The following LPL variants were observed in gnomAD, a reference collection of about 807,000 sequenced individuals.
LPL encodes lipoprotein lipase, also known as phospholipase A1.
In LPL, 43 loss-of-function variants were observed where a neutral mutation model predicts 52.2. The observed-to-expected ratio is 0.82, with a 90% confidence interval of 0.64 to 1.06. The LOEUF (loss-of-function observed/expected upper bound fraction) is 1.06. LPL is among the 50% of genes least tolerant of loss of function. The pLI, the probability that LPL is intolerant of heterozygous loss-of-function variation, is 0.00. For missense variants in LPL, 639 were observed against 585.3 expected (o/e 1.09, Z -0.95); for synonymous variants, 244 against 215.6 (o/e 1.13, Z -1.15).
At chr8:19,940,034 C>A (rs945037827) in intron 1 of LPL, among the ~76,000 whole-genome samples, 4 of 152,158 alleles carry the variant, frequency 2.6e-5, no homozygotes, top group African/African-American at 9.7e-5. Flanking sequence ...AGCCGGGGCG[C>A]GGGGAGGCGT....
intron 7 of LPL, among the ~76,000 whole-genome samples, 192 bp downstream of exon 7, chr8:19,959,572 CACTT>C (rs1172799347): frequency 6.6e-6 from 1 of 152,028 alleles, no homozygotes; most frequent in Admixed American, 6.6e-5. Context: ...ATTTTATTTT[CACTT>C]ACTAGTTATA....
In LPL at chr8:19,944,304, A is replaced by G. The variant is rs2069865359; in HGVS notation, c.89-3876A>G. Among the ~76,000 whole-genome samples the G allele has an allele frequency of 6.6e-6, 1 of 152,202 alleles. No individual in the cohort carries two copies. Among genetic ancestry groups the G allele is most frequent in the South Asian group, 2.1e-4 (1 of 4,834 alleles). On this transcript the variant is annotated intron_variant, in intron 1 of 9. Coordinates refer to ENST00000650287, the MANE Select transcript of LPL (RefSeq NM_000237.3). The surrounding 1 kb of genome is among the most constrained non-coding windows in gnomAD (Gnocchi z 4.2). Reference sequence around the variant, plus strand: ...TCAATTCAGTCTGATCATGATATTGATGTTTTTCTTCACCAAATCGACCAC... The same window carrying G: ...TCAATTCAGTCTGATCATGATATTGGTGTTTTTCTTCACCAAATCGACCAC...
At chr8:19,961,440 A>T (rs1193574422) in intron 8 of LPL, among the ~76,000 whole-genome samples, 2 of 152,090 alleles carry the variant, frequency 1.3e-5, no homozygotes, top group Non-Finnish European at 2.9e-5. Flanking sequence ...TACCTGGATA[A>T]TCAAAGATTC....
chr8:19,962,417 CTTTCTCCTCTTG>C (rs2070048237), intron 9 of LPL, among the ~76,000 whole-genome samples, 198 bp downstream of exon 9: 3 of 151,858 alleles, frequency 2.0e-5, no homozygotes. Context: ...CTCTTTTTTT[CTTTCTCCTCTTG>C]TTTCTCCCAG....
rs750737028 is a variant in LPL, at chr8:19,962,121, C to A, written c.1329C>A (p.Ile443=). The change falls in exon 9 of 10, where the codon ATC becomes ATA. Residue 443 remains isoleucine, a synonymous_variant. Transcript: ENST00000650287. ...CATCCATTTTCTTCCACAGGGTGATCTTCTGTTCTAGGGAGAAAGTGTCTC... is the reference window on the plus strand; with the variant it reads ...CATCCATTTTCTTCCACAGGGTGATATTCTGTTCTAGGGAGAAAGTGTCTC... ...VKAGETQKKV[I]FCSREKVSHL... is the part of the protein sequence containing the mutation. 3.7e-6 allele frequency: 6 copies of A among 1,611,114 alleles called. No homozygotes were observed. The highest frequency in any genetic ancestry group is 2.7e-5 in the African/African-American group (2 of 74,874).
chr8:19,939,462 G>C lies in LPL; in HGVS notation c.22G>C (p.Val8Leu). 2.5e-6 allele frequency: 4 copies of C among 1,610,756 alleles called. No homozygotes were observed. The highest frequency in any genetic ancestry group is 3.4e-6 in the Non-Finnish European group (4 of 1,179,018). ...CGAGATGGAGAGCAAAGCCCTGCTC[G>C]TGCTGACTCTGGCCGTGTGGCTCCA... MESKALL[V>L]LTLAVWLQSL... The change falls in exon 1 of 10, where the codon GTG becomes CTG. Residue 8 changes from valine (V) to leucine (L), a missense_variant. By Grantham distance (32) the Val-to-Leu change is conservative. Transcript: ENST00000650287. The surrounding 1 kb of genome is among the most constrained non-coding windows in gnomAD (Gnocchi z 4.0).
At chr8:19,962,325 CAT>C (rs1223227269) in intron 9 of LPL, 106 bp downstream of exon 9, 1 of 822,298 alleles carries the variant, frequency 1.2e-6, no homozygotes, top group Non-Finnish European at 2.1e-6. Context: ...TGCCCTGACT[CAT>C]GTGATCAAAG....
chr8:19,940,813 G>A (rs2069831453), intron 1 of LPL, among the ~76,000 whole-genome samples: 2 of 152,222 alleles, frequency 1.3e-5, no homozygotes, highest in African/African-American at 4.8e-5. Flanking sequence ...AAAGTTGGCA[G>A]GGAGCAGTGG....
intron 2 of LPL, 193 bp downstream of exon 2, chr8:19,948,533 C>T: frequency 3.2e-6 from 2 of 624,928 alleles, no homozygotes; most frequent in East Asian, 2.8e-5. Context: ...CTAGGCAGTG[C>T]CAGCCTTCAT....
chr8:19,951,590 T>G (rs2069934565), intron 2 of LPL, 179 bp from the exon 3 acceptor site: 1 of 744,486 alleles, frequency 1.3e-6, no homozygotes, highest in Non-Finnish European at 2.4e-6. Context: ...CTTACTTAGA[T>G]CTGCCTTGGA....
chr8:19,953,488 G>T (rs1241146730), intron 4 of LPL, 67 bp downstream of exon 4: 15 of 1,264,822 alleles, frequency 1.2e-5, no homozygotes, highest in Non-Finnish European at 1.6e-5. Context: ...GAGAGAATCA[G>T]AACAAATTTT....
At chr8:19,940,654 T>G (rs778750772) in intron 1 of LPL, among the ~76,000 whole-genome samples, 1 of 152,230 alleles carries the variant, frequency 6.6e-6, no homozygotes, top group Non-Finnish European at 1.5e-5. Flanking sequence ...GAATTGCAAT[T>G]AGGGCGGTGT....
Position 19,939,367 on chromosome 8 carries a change from T to C in LPL, c.-74T>C, listed in dbSNP as rs1432185109. 6.1e-6 allele frequency: 9 copies of C among 1,465,254 alleles called. No homozygotes were observed. The highest frequency in any genetic ancestry group is 2.4e-5 in the East Asian group (1 of 40,888). 90.8% of individuals were successfully genotyped at this position (1,465,254 alleles called of 1,614,324 possible). ...CAGCGCCAAACCGCGGCTCCAGCCC[T>C]CTCCAGCCTCCGGCTCAGCCGGCTC... On this transcript the variant is annotated 5_prime_UTR_variant, in exon 1 of 10. Transcript: ENST00000650287. This position sits in a 1 kb window ranked among gnomAD's most constrained non-coding sequence, Gnocchi z 4.0.
intron 9 of LPL, among the ~76,000 whole-genome samples, 190 bp downstream of exon 9, chr8:19,962,409 CT>C (rs1397260171): frequency 9.2e-5 from 14 of 152,308 alleles, no homozygotes; most frequent in Non-Finnish European, 1.9e-4. Flanking sequence ...AATACTTCCT[CT>C]TTTTTTCTTT....
At chr8:19,957,071 T>A (rs1316000237) in intron 6 of LPL, among the ~76,000 whole-genome samples, 1 of 152,112 alleles carries the variant, frequency 6.6e-6, no homozygotes, top group Non-Finnish European at 1.5e-5. Context: ...TGATCTGCCC[T>A]CCTTGGCCTC....
chr8:19,940,664 T>A (rs1231274392), intron 1 of LPL, among the ~76,000 whole-genome samples: 1 of 152,250 alleles, frequency 6.6e-6, no homozygotes. Flanking sequence ...TAGGGCGGTG[T>A]CGCTTGGATG....
intron 7 of LPL, among the ~76,000 whole-genome samples, chr8:19,959,694 G>A (rs1237843045): frequency 1.3e-5 from 2 of 149,342 alleles, no homozygotes; most frequent in Non-Finnish European, 3.0e-5. Flanking sequence ...ATGAGCAATG[G>A]TAACAGGAAA....
chr8:19,965,766 G>C lies in LPL; in HGVS notation c.*456G>C. On this transcript the variant is annotated 3_prime_UTR_variant, in exon 10 of 10. Coordinates refer to ENST00000650287, the MANE Select transcript of LPL (RefSeq NM_000237.3). ...TACAGAAAATGCTTTTCCGCGGCACGAATCAGACTCATCTACACAGCAGTA... is the reference window on the plus strand; with the variant it reads ...TACAGAAAATGCTTTTCCGCGGCACCAATCAGACTCATCTACACAGCAGTA... 1 of 156,458 alleles carries C rather than the reference G, an allele frequency of 6.4e-6. No individual in the cohort carries two copies. Among genetic ancestry groups the C allele is most frequent in the Non-Finnish European group, 1.4e-5 (1 of 71,070 alleles). 9.7% of individuals were successfully genotyped at this position (156,458 alleles called of 1,614,324 possible). A position where few individuals can be genotyped will look rare whatever the true frequency, so the allele number is the denominator to read the frequency against.
rs554677720 is a variant in LPL, at chr8:19,948,632, A to C, written c.249+292A>C. The C allele has an allele frequency of 4.0e-4, 157 of 394,212 alleles. 2 individuals carry two copies. The highest frequency in any genetic ancestry group is 3.3e-3 in the South Asian group (88 of 26,556). 24.4% of individuals were successfully genotyped at this position (394,212 alleles called of 1,614,324 possible). On this transcript the variant is annotated intron_variant, in intron 2 of 9. Coordinates refer to ENST00000650287, the MANE Select transcript of LPL (RefSeq NM_000237.3). ...TCTGCCCAGCTACTGAGCAGAAGAT[A>C]GGTGATTGCTGTGGGGAACCGGTGG...
Sources: gnomAD v4.1 joint callset for allele counts (sites outside exome capture counted in the v4.1 genomes callset) on GRCh38, gnomAD v4.1.1 for gene constraint, Gnocchi (gnomAD v3.1) non-coding constraint, MANE v1.5 for transcripts, NCBI Gene and HGNC (gene_info 2026-07-23, HGNC 2026-07-21) for gene names.